MAGI2: variants seen among roughly 807,000 people sequenced by gnomAD.
MAGI2 encodes the protein membrane associated guanylate kinase, WW and PDZ domain containing 2, also known as membrane-associated guanylate kinase, WW and PDZ domain-containing protein 2.
In MAGI2, 35 loss-of-function variants were observed where a neutral mutation model predicts 133.3. That is an observed-to-expected ratio of 0.26 (90% CI 0.20 to 0.35). MAGI2 has a LOEUF of 0.35. Ranked by LOEUF, MAGI2 falls within the 10% of genes least tolerant of loss-of-function variation. The pLI, the probability that MAGI2 is intolerant of heterozygous loss-of-function variation, is 1.00. For synonymous variants in MAGI2, 729 were observed against 710.6 expected (o/e 1.03, Z -0.41); for missense variants, 1,636 against 1,863.4 (o/e 0.88, Z 2.25).
At chr7:79,333,375 T>C (rs960272751) in intron 1 of MAGI2, among the ~76,000 whole-genome samples, 2 of 152,026 alleles carry the variant, frequency 1.3e-5, no homozygotes, top group Non-Finnish European at 2.9e-5. Context: ...ATCCGCCTGC[T>C]TCAGCCTCCC....
intron 2 of MAGI2, among the ~76,000 whole-genome samples, chr7:78,943,109 G>A (rs1344493198): frequency 6.6e-6 from 1 of 152,072 alleles, no homozygotes. Flanking sequence ...ATAAGGGAAG[G>A]TCTGCACTGC....
intron 1 of MAGI2, among the ~76,000 whole-genome samples, chr7:79,174,020 T>C (rs942090027): frequency 1.3e-5 from 2 of 151,858 alleles, no homozygotes; most frequent in East Asian, 1.9e-4. Context: ...GAAAGGAATA[T>C]AATATAATAG....
intron 2 of MAGI2, among the ~76,000 whole-genome samples, chr7:78,639,915 A>G (rs939400769): frequency 1.3e-5 from 2 of 152,220 alleles, no homozygotes; most frequent in South Asian, 4.1e-4. Context: ...AAACATAAGT[A>G]TCCAGATTTT....
chr7:78,225,669 G>C (rs1789300328), intron 10 of MAGI2, among the ~76,000 whole-genome samples: 1 of 152,192 alleles, frequency 6.6e-6, no homozygotes, highest in Non-Finnish European at 1.5e-5. Context: ...CTGAATATTT[G>C]TTGGGGTGAG....
intron 16 of MAGI2, 63 bp from the exon 17 acceptor site, chr7:78,135,269 A>G: frequency 7.4e-7 from 1 of 1,348,434 alleles, no homozygotes; most frequent in East Asian, 2.3e-5. Flanking sequence ...TTTCAGTCCC[A>G]GCCCCAAAGG....
chr7:78,097,535 C>A (rs1487737645), intron 20 of MAGI2, among the ~76,000 whole-genome samples: 1 of 152,100 alleles, frequency 6.6e-6, no homozygotes, highest in East Asian at 1.9e-4. Context: ...GAGCTGGAGG[C>A]TATTATCCTT....
chr7:78,957,264 C>CAAAAAAAA (rs1187620956), intron 2 of MAGI2, among the ~76,000 whole-genome samples: 1 of 42,612 alleles, frequency 2.3e-5, no homozygotes, highest in Non-Finnish European at 4.7e-5. Flanking sequence ...GACTCCATCT[C>CAAAAAAAA]AAAAAAAAAA....
chr7:78,292,119 A>G (rs1796777549), intron 9 of MAGI2, among the ~76,000 whole-genome samples: 1 of 152,194 alleles, frequency 6.6e-6, no homozygotes. Flanking sequence ...AGGGTATTCA[A>G]TTAGGAAAAG....
intron 9 of MAGI2, among the ~76,000 whole-genome samples, chr7:78,283,065 G>A (rs1461720880): frequency 1.3e-5 from 2 of 152,122 alleles, no homozygotes; most frequent in Non-Finnish European, 2.9e-5. Context: ...GTCTCACTAT[G>A]TTACCCAGGC....
At chr7:79,053,451 G>C (rs560357105) in intron 1 of MAGI2, among the ~76,000 whole-genome samples, 4 of 152,138 alleles carry the variant, frequency 2.6e-5, no homozygotes, top group African/African-American at 9.6e-5. Context: ...TGAACACTCT[G>C]ATCTCCAGTA....
At chr7:78,727,860 G>A (rs1483239679) in intron 2 of MAGI2, among the ~76,000 whole-genome samples, 1 of 152,054 alleles carries the variant, frequency 6.6e-6, no homozygotes, top group Non-Finnish European at 1.5e-5. Flanking sequence ...TTACGCTCTG[G>A]GGATACAGCT....
At chr7:79,116,139 A>T (rs948710693) in intron 1 of MAGI2, among the ~76,000 whole-genome samples, 3 of 152,124 alleles carry the variant, frequency 2.0e-5, no homozygotes, top group Non-Finnish European at 1.5e-5. Flanking sequence ...TTGAAGGGAC[A>T]CTCATCTTTT....
At chr7:78,804,748 C>CAAAAAAA (rs373472835) in intron 2 of MAGI2, among the ~76,000 whole-genome samples, 63 of 97,704 alleles carry the variant, frequency 6.4e-4, no homozygotes, top group African/African-American at 2.6e-3. Context: ...GACTCTGTCT[C>CAAAAAAA]AAAAAAAAAA....
At chr7:78,951,032 TGC>T (rs1801833479) in intron 2 of MAGI2, among the ~76,000 whole-genome samples, 1 of 145,640 alleles carries the variant, frequency 6.9e-6, no homozygotes, top group Non-Finnish European at 1.5e-5. Flanking sequence ...AGTGCAGTGG[TGC>T]GATCTCAGCT....
rs193157625 is a variant in MAGI2, at chr7:78,206,136, T to C, written c.2048-4943A>G. Among the ~76,000 whole-genome samples the C allele has an allele frequency of 7.6e-4, 116 of 152,312 alleles. 2 individuals carry two copies. The highest frequency in any genetic ancestry group is 6.4e-3 in the Admixed American group (98 of 15,300). On this transcript the variant is annotated intron_variant, in intron 10 of 21. Transcript: ENST00000354212. ...GTGCATTTGTGTGGTAACAGTTTTA[T>C]TATTATTTATTTTCACAGGGCAAAA...
At chr7:78,663,962 A>G (rs1813260319) in intron 2 of MAGI2, among the ~76,000 whole-genome samples, 1 of 152,204 alleles carries the variant, frequency 6.6e-6, no homozygotes, top group Non-Finnish European at 1.5e-5. Flanking sequence ...CATTTTTTTG[A>G]CATTTTCATG....
rs181713380 is a variant in MAGI2 at position 78,781,127 on chromosome 7, C to G, written c.419-153888G>C. Among the ~76,000 whole-genome samples, 815 of 152,210 alleles carry G rather than the reference C, an allele frequency of 5.4e-3. 3 individuals are homozygous for G. The highest frequency in any genetic ancestry group is 9.0e-3 in the Non-Finnish European group (615 of 68,022). On this transcript the variant is annotated intron_variant, in intron 2 of 21. Transcript: ENST00000354212. ...GGCAGGGTGGCTCACGCCTGTAATCCCAGCACTCTGGGAGGCTGAGGCGGG... is the reference window on the plus strand; with the variant it reads ...GGCAGGGTGGCTCACGCCTGTAATCGCAGCACTCTGGGAGGCTGAGGCGGG...
intron 2 of MAGI2, among the ~76,000 whole-genome samples, chr7:78,876,186 G>T (rs1795402451): frequency 6.6e-6 from 1 of 151,774 alleles, no homozygotes; most frequent in Non-Finnish European, 1.5e-5. Flanking sequence ...AGCCAGGTGT[G>T]GTGGTGGGCA....
chr7:79,090,994 C>CTT (rs34305264), intron 1 of MAGI2, among the ~76,000 whole-genome samples: 5,705 of 150,402 alleles, frequency 0.038, 238 homozygotes, highest in African/African-American at 0.1. Flanking sequence ...ATTTAAGAGC[C>CTT]TTTTTTTTTC....
Sources: gnomAD v4.1 joint callset for allele counts (sites outside exome capture counted in the v4.1 genomes callset) on GRCh38, gnomAD v4.1.1 for gene constraint, MANE v1.5 for transcripts, NCBI Gene and HGNC (gene_info 2026-07-23, HGNC 2026-07-21) for gene names.